EDARADD: variants seen among roughly 807,000 people sequenced by gnomAD.
EDARADD encodes the protein EDAR associated via death domain.
Under a neutral mutation model 25.6 loss-of-function variants are expected in EDARADD, and 20 were observed. The observed-to-expected ratio is 0.78, with a 90% CI of 0.55 to 1.14. The LOEUF (loss-of-function observed/expected upper bound fraction) is 1.14, where lower values mean the gene tolerates loss of function less well. Ranked by LOEUF, EDARADD falls within the 50% of genes most tolerant of loss-of-function variation. The pLI, the probability that EDARADD is intolerant of heterozygous loss-of-function variation, is 0.00. For missense variants in EDARADD, 225 were observed against 270.1 expected (o/e 0.83, Z 1.17); for synonymous variants, 86 against 94.4 (o/e 0.91, Z 0.52).
intron 3 of EDARADD, among the ~76,000 whole-genome samples, chr1:236,421,174 C>T (rs1253421262): frequency 2.7e-5 from 4 of 147,290 alleles, no homozygotes; most frequent in Non-Finnish European, 4.5e-5. Context: ...CATGTATACT[C>T]AGTCCAGGAG....
chr1:236,368,710 G>A (rs1305209170), intron 3 of EDARADD, among the ~76,000 whole-genome samples: 1 of 152,058 alleles, frequency 6.6e-6, no homozygotes, highest in African/African-American at 2.4e-5. Context: ...AGAGTGCTTG[G>A]ATTACAGGCG....
At position 236,402,651 on chromosome 1, in the gene EDARADD, A is replaced by G. The variant is rs28415664; in HGVS notation, c.62-6565A>G. On this transcript the variant is annotated intron_variant, in intron 1 of 5. Coordinates refer to ENST00000334232, the MANE Select transcript of EDARADD (RefSeq NM_145861.4). ...TTCTCAAACATCCTGAACTCAAGCAATCCTCCCACCTTGGCTTCCCAAAGT... is the reference window on the plus strand; with the variant it reads ...TTCTCAAACATCCTGAACTCAAGCAGTCCTCCCACCTTGGCTTCCCAAAGT... 8.0e-3 allele frequency among the ~76,000 whole-genome samples: 1,223 copies of G among 152,158 alleles called. 16 individuals are homozygous for G. The highest frequency in any genetic ancestry group is 0.028 in the African/African-American group (1,172 of 41,508).
intron 1 of EDARADD, among the ~76,000 whole-genome samples, chr1:236,404,548 G>A (rs1667674001): frequency 6.6e-6 from 1 of 152,190 alleles, no homozygotes; most frequent in Non-Finnish European, 1.5e-5. Flanking sequence ...GGCAAAGGCT[G>A]ATAAAGTCAG....
At chr1:236,476,995 A>T (rs1168833417) in intron 5 of EDARADD, among the ~76,000 whole-genome samples, 1 of 151,700 alleles carries the variant, frequency 6.6e-6, no homozygotes, top group African/African-American at 2.4e-5. Context: ...CTGTCTCAAA[A>T]ATATATATAG....
chr1:236,482,479 C>A lies in EDARADD; in HGVS notation c.478C>A (p.Pro160Thr). ...CGAATTGTGCTTCCTGGAGCAGAGG[C>A]CACAGAGCCCCACCTTGGAGTTCTT... is the stretch of plus-strand genomic sequence containing the variant. Reference protein sequence around the residue: ...YDELCFLEQRPQSPTLEFLLR... With the variant: ...YDELCFLEQRTQSPTLEFLLR... The change falls in exon 6 of 6, where the codon CCA becomes ACA. Residue 160 changes from proline to threonine, a missense_variant. Pro to Thr is a conservative substitution (Grantham distance 38). Coordinates refer to ENST00000334232, the MANE Select transcript of EDARADD (RefSeq NM_145861.4). The A allele has an allele frequency of 6.2e-7, 1 of 1,613,754 alleles. No individual in the cohort carries two copies. Among genetic ancestry groups the A allele is most frequent in the Non-Finnish European group, 8.5e-7 (1 of 1,179,794 alleles).
chr1:236,395,904 C>G lies in EDARADD; in HGVS notation c.61+1399C>G, dbSNP rs1667508052. 6.6e-6 allele frequency among the ~76,000 whole-genome samples: 1 copy of G among 152,194 alleles called. No homozygotes were observed. Among genetic ancestry groups the G allele is most frequent in the Admixed American group, 6.5e-5 (1 of 15,286 alleles). On this transcript the variant is annotated intron_variant, in intron 1 of 5. Transcript: ENST00000334232. This position sits in a 1 kb window ranked among gnomAD's most constrained non-coding sequence, Gnocchi z 6.9. Reference sequence around the variant, plus strand: ...AGGGCCCCTGCCCCGCGTCAGCCACCGCGCGCCTTCCCCCTGCCCATGCCG... The same window carrying G: ...AGGGCCCCTGCCCCGCGTCAGCCACGGCGCGCCTTCCCCCTGCCCATGCCG...
chr1:236,455,798 C>CT (rs550327685), intron 4 of EDARADD, among the ~76,000 whole-genome samples: 7 of 93,180 alleles, frequency 7.5e-5, no homozygotes, highest in African/African-American at 2.2e-4. Context: ...ATCGCCTGTT[C>CT]TTTTTTTTTG....
rs1215037942 is a variant in EDARADD at position 236,408,839 on chromosome 1, C to T, written c.62-377C>T. Among the ~76,000 whole-genome samples the T allele has an allele frequency of 3.9e-5, 6 of 152,016 alleles. No homozygotes were observed. The South Asian group carries it at 8.3e-4, about 21-fold the overall frequency. On this transcript the variant is annotated intron_variant, in intron 1 of 5. Transcript: ENST00000334232. ...CACTGTGTTGGCTCACTGCAACCTC[C>T]GACTCCTGGGCTCAAGCGATTCTCC...
At position 236,482,601 on chromosome 1, in the gene EDARADD, C is replaced by T. The variant is rs74942492; in HGVS notation, c.600C>T (p.Asp200=). 171 of 1,612,634 alleles carry T rather than the reference C, an allele frequency of 1.1e-4. No homozygotes were observed. In the East Asian group the frequency reaches 2.0e-3, roughly 19 times the overall value. Residue 200 remains aspartate (D), a synonymous_variant, in exon 6 of 6, where the codon GAC becomes GAT. Transcript: ENST00000334232. ...AGAAGGTTCTGCGCAGGTGGGTGGA[C>T]GAGGAGTGGCCCAAGCGGGAGCGTG... ...DVEKVLRRWV[D]EEWPKRERGD... is the part of the protein sequence containing the mutation.
intron 4 of EDARADD, among the ~76,000 whole-genome samples, chr1:236,441,039 T>A (rs947417255): frequency 2.6e-5 from 4 of 151,976 alleles, no homozygotes; most frequent in African/African-American, 9.7e-5. Flanking sequence ...GAAAGCTAGG[T>A]CTCTCATGCT....
intron 2 of EDARADD, among the ~76,000 whole-genome samples, chr1:236,409,853 C>T (rs1039219133): frequency 2.6e-5 from 4 of 152,012 alleles, no homozygotes; most frequent in African/African-American, 9.6e-5. Flanking sequence ...TGTGAGCCAC[C>T]GTACCTGGCC....
chr1:236,433,176 G>T (rs368057470), intron 4 of EDARADD, among the ~76,000 whole-genome samples: 2 of 28,216 alleles, frequency 7.1e-5, no homozygotes, highest in Non-Finnish European at 6.5e-4. Flanking sequence ...TCAATGAAAG[G>T]CGCATCGCCC....
chr1:236,427,927 T>C (rs1430971715), intron 4 of EDARADD, among the ~76,000 whole-genome samples: 1 of 151,524 alleles, frequency 6.6e-6, no homozygotes, highest in Non-Finnish European at 1.5e-5. Context: ...ATAAAAGAAT[T>C]CATATTTTTT....
chr1:236,364,323 T>C (rs1667086840), intron 3 of EDARADD, among the ~76,000 whole-genome samples: 1 of 152,162 alleles, frequency 6.6e-6, no homozygotes, highest in Non-Finnish European at 1.5e-5. Context: ...TGTCTTGAAA[T>C]CAGGTGGTGT....
intron 3 of EDARADD, among the ~76,000 whole-genome samples, chr1:236,359,654 G>A (rs569897198): frequency 1.3e-5 from 2 of 152,356 alleles, no homozygotes; most frequent in South Asian, 2.1e-4. Context: ...GGAGAAGCAA[G>A]TCACGTCTTA....
At chr1:236,470,845 C>T (rs1172232213) in intron 5 of EDARADD, among the ~76,000 whole-genome samples, 1 of 152,022 alleles carries the variant, frequency 6.6e-6, no homozygotes, top group Non-Finnish European at 1.5e-5. Flanking sequence ...TCACCTCAGA[C>T]GATCCACCCA....
chr1:236,416,279 G>A (rs966800909), intron 3 of EDARADD, among the ~76,000 whole-genome samples: 5 of 152,152 alleles, frequency 3.3e-5, no homozygotes, highest in African/African-American at 1.2e-4. Flanking sequence ...CACCAGACAG[G>A]GGTGCAGGGA....
At chr1:236,468,301 C>T (rs567161985) in intron 5 of EDARADD, 25 bp downstream of exon 5, 4 of 1,609,008 alleles carry the variant, frequency 2.5e-6, no homozygotes, top group Middle Eastern at 1.7e-4. Flanking sequence ...CTAAAGCTAT[C>T]TGGGCTAATA....
intron 4 of EDARADD, among the ~76,000 whole-genome samples, chr1:236,449,929 C>T (rs779365776): frequency 9.2e-5 from 14 of 152,118 alleles, no homozygotes; most frequent in Non-Finnish European, 1.9e-4. Context: ...GGCGAAACCC[C>T]GTTTCTACTA....
Sources: gnomAD v4.1 joint callset for allele counts (sites outside exome capture counted in the v4.1 genomes callset) on GRCh38, gnomAD v4.1.1 for gene constraint, Gnocchi (gnomAD v3.1) non-coding constraint, MANE v1.5 for transcripts, NCBI Gene and HGNC (gene_info 2026-07-23, HGNC 2026-07-21) for gene names.